Variants in BRF1 observed in about 807,000 individuals in gnomAD.
The protein encoded by BRF1 is BRF1 general transcription factor IIIB subunit, also known as transcription factor IIIB 90 kDa subunit.
Under a neutral mutation model 81.7 loss-of-function variants are expected in BRF1, and 59 were observed. That is an observed-to-expected ratio of 0.72 (90% CI 0.59 to 0.90). BRF1 has a LOEUF of 0.90. BRF1 is among the 40% of genes least tolerant of loss of function. BRF1 has a pLI of 0.00. For missense variants in BRF1, 1,050 were observed against 936.3 expected (o/e 1.12, Z -1.58); for synonymous variants, 491 against 395.6 (o/e 1.24, Z -2.86).
intron 1 of BRF1, among the ~76,000 whole-genome samples, chr14:105,306,968 C>G (rs773030664): frequency 1.3e-5 from 2 of 152,152 alleles, no homozygotes; most frequent in East Asian, 3.9e-4. Context: ...GAGAGGGACT[C>G]CCCTCCCAGG....
At chr14:105,291,203 A>G (rs1478361783) in intron 1 of BRF1, among the ~76,000 whole-genome samples, 1 of 152,172 alleles carries the variant, frequency 6.6e-6, no homozygotes, top group Non-Finnish European at 1.5e-5. Flanking sequence ...GCAGGGCCAG[A>G]GGCCGCAGGG....
intron 5 of BRF1, chr14:105,241,877 T>C: frequency 4.7e-6 from 1 of 211,306 alleles, no homozygotes; most frequent in Non-Finnish European, 9.8e-6. Context: ...TCTACCAGCA[T>C]GGCGGTGCCA....
At chr14:105,288,664 C>T (rs1329854033) in intron 1 of BRF1, among the ~76,000 whole-genome samples, 6 of 144,028 alleles carry the variant, frequency 4.2e-5, no homozygotes, top group East Asian at 2.1e-4. Context: ...AACAGAGTTT[C>T]GCTCTGTCAC....
At chr14:105,266,806 G>A (rs1444199636) in intron 3 of BRF1, among the ~76,000 whole-genome samples, 2 of 152,290 alleles carry the variant, frequency 1.3e-5, no homozygotes, top group East Asian at 1.9e-4. Context: ...CACTTTGGGA[G>A]ACTGAGGGAG....
chr14:105,247,394 G>A, intron 5 of BRF1: 1 of 985,452 alleles, frequency 1.0e-6, no homozygotes, highest in African/African-American at 1.7e-5. Context: ...GAGAAATGAT[G>A]ATTTGTGCAC....
At chr14:105,212,410 C>G (rs1468558354) in intron 15 of BRF1, 1 of 494,684 alleles carries the variant, frequency 2.0e-6, no homozygotes, top group Non-Finnish European at 3.6e-6. Flanking sequence ...GCTGCAGACG[C>G]CCCGCTCCCC....
chr14:105,223,116 C>A (rs1188938285), intron 10 of BRF1, among the ~76,000 whole-genome samples: 2 of 152,036 alleles, frequency 1.3e-5, no homozygotes, highest in East Asian at 3.9e-4. Context: ...TTGCTTGAGC[C>A]CAGGAGGTTG....
In BRF1 at chr14:105,296,080, CAAAAAAAA is replaced by C. The variant is rs58030113; in HGVS notation, c.184+4358_184+4365del. On this transcript the variant is annotated intron_variant, in intron 1 of 17. Coordinates refer to ENST00000547530, the MANE Select transcript of BRF1 (RefSeq NM_001519.4). ...TGGGCAACAGAGCGACACTCTATCTCAAAAAAAAAAAAAAAAAAAAAACTCAAGGAGTG... is the reference window on the plus strand; with the variant it reads ...TGGGCAACAGAGCGACACTCTATCTCAAAAAAAAAAAAAACTCAAGGAGTG... Among the ~76,000 whole-genome samples, 213 of 56,898 alleles carry C rather than the reference CAAAAAAAA, an allele frequency of 3.7e-3. 1 individual carries two copies. Among genetic ancestry groups the C allele is most frequent in the African/African-American group, 0.013 (194 of 14,950 alleles). The allele number at this position is 56,898 out of a possible 152,430, so 37.3% of individuals were successfully genotyped here.
chr14:105,270,099 T>C (rs866786961), intron 3 of BRF1, among the ~76,000 whole-genome samples: 4 of 151,878 alleles, frequency 2.6e-5, no homozygotes, highest in South Asian at 2.1e-4. Context: ...CTCTGCATCA[T>C]CCCTGTCCCT....
chr14:105,259,954 T>C (rs755808335), intron 3 of BRF1, among the ~76,000 whole-genome samples: 5 of 151,934 alleles, frequency 3.3e-5, no homozygotes, highest in Non-Finnish European at 7.4e-5. Flanking sequence ...GATCATATGA[T>C]TCCATTTATA....
At chr14:105,279,440 A>C (rs983201542) in intron 2 of BRF1, among the ~76,000 whole-genome samples, 2 of 152,242 alleles carry the variant, frequency 1.3e-5, no homozygotes, top group African/African-American at 4.8e-5. Context: ...AACAGCCAAG[A>C]AGCATGAGCA....
chr14:105,252,782 T>C (rs781214730), intron 4 of BRF1, among the ~76,000 whole-genome samples: 1 of 152,210 alleles, frequency 6.6e-6, no homozygotes, highest in Non-Finnish European at 1.5e-5. Context: ...GCCGCTGCTT[T>C]AGGCCGTGCT....
chr14:105,242,292 A>T (rs1376212574), intron 5 of BRF1: 1 of 152,164 alleles, frequency 6.6e-6, no homozygotes, highest in Non-Finnish European at 1.5e-5. Context: ...CCCACAACTA[A>T]AGATAAAAAC....
chr14:105,219,844 G>A lies in BRF1; in HGVS notation c.1377+225C>T, dbSNP rs893549143. 33 of 588,090 alleles carry A rather than the reference G, an allele frequency of 5.6e-5. 1 individual carries two copies. Among genetic ancestry groups the A allele is most frequent in the South Asian group, 2.8e-4 (14 of 49,812 alleles). 36.4% of individuals were successfully genotyped at this position (588,090 alleles called of 1,614,324 possible). A position where few individuals can be genotyped will look rare whatever the true frequency, so the allele number is the denominator to read the frequency against. On this transcript the variant is annotated intron_variant, in intron 12 of 17. Transcript: ENST00000547530. ...GTGCCGAGGGCCGCAAGGACCAGGCGCAAAGCCAGGGGCCTCTCGACAGGC... is the reference window on the plus strand; with the variant it reads ...GTGCCGAGGGCCGCAAGGACCAGGCACAAAGCCAGGGGCCTCTCGACAGGC...
chr14:105,253,605 T>TAGAGGCAAGAGAC (rs2055724936), intron 4 of BRF1, among the ~76,000 whole-genome samples: 1 of 152,180 alleles, frequency 6.6e-6, no homozygotes, highest in Non-Finnish European at 1.5e-5. Flanking sequence ...CTGTCTGCGC[T>TAGAGGCAAGAGAC]AGAGGCAAGA....
intron 2 of BRF1, among the ~76,000 whole-genome samples, chr14:105,280,152 A>G (rs1227863721): frequency 6.6e-6 from 1 of 152,248 alleles, no homozygotes; most frequent in Non-Finnish European, 1.5e-5. Flanking sequence ...TTCAGCAAGC[A>G]GGTGAAAGGA....
At position 105,209,484 on chromosome 14, in the gene BRF1, C is replaced by T. The variant is rs1409973373; in HGVS notation, c.*1067G>A. On this transcript the variant is annotated 3_prime_UTR_variant, in exon 18 of 18. Coordinates refer to ENST00000547530, the MANE Select transcript of BRF1 (RefSeq NM_001519.4). ...ATGAGGCCCCTGGGGGTCAGTGAGG[C>T]ACGGCTCTGCCTCAAGGCCACCCCC... 2.9e-6 allele frequency: 2 copies of T among 700,982 alleles called. No homozygotes were observed. The highest frequency in any genetic ancestry group is 2.6e-4 in the Middle Eastern group (1 of 3,898). 43.4% of individuals were successfully genotyped at this position (700,982 alleles called of 1,614,324 possible).
chr14:105,282,252 C>A (rs977562368), intron 2 of BRF1, among the ~76,000 whole-genome samples: 6 of 152,186 alleles, frequency 3.9e-5, no homozygotes, highest in Non-Finnish European at 8.8e-5. Flanking sequence ...CTCAGCGTGT[C>A]CCCAGCAAAC....
intron 1 of BRF1, among the ~76,000 whole-genome samples, chr14:105,286,678 T>C (rs1197592844): frequency 6.6e-6 from 1 of 151,996 alleles, no homozygotes; most frequent in Non-Finnish European, 1.5e-5. Context: ...CCATCTCCAC[T>C]CACTGCAAGC....
Sources: gnomAD v4.1 joint callset for allele counts (sites outside exome capture counted in the v4.1 genomes callset) on GRCh38, gnomAD v4.1.1 for gene constraint, MANE v1.5 for transcripts, NCBI Gene and HGNC (gene_info 2026-07-23, HGNC 2026-07-21) for gene names.